Variants in SLC6A7 observed in about 807,000 individuals in gnomAD.
SLC6A7 encodes solute carrier family 6 member 7.
In SLC6A7, 58 loss-of-function variants were observed where a neutral mutation model predicts 73.1. The observed-to-expected ratio is 0.79, with a 90% CI of 0.64 to 0.99. The LOEUF (loss-of-function observed/expected upper bound fraction) is 0.99, where lower values mean the gene tolerates loss of function less well. Among genes scored for constraint, SLC6A7 ranks in the 50% least tolerant of loss-of-function variants. The pLI is 0.00. For missense variants in SLC6A7, 783 were observed against 831.4 expected, an observed-to-expected ratio of 0.94 and a Z score of 0.72; for synonymous variants, 338 against 338.7, an observed-to-expected ratio of 1.00 and a Z score of 0.02.
In SLC6A7 at chr5:150,199,328, T is replaced by C. The variant is rs1233347050; in HGVS notation, c.685T>C (p.Phe229Leu). 6.2e-7 allele frequency: 1 copy of C among 1,614,090 alleles called. No individual in the cohort carries two copies. The highest frequency in any genetic ancestry group is 2.2e-5 in the East Asian group (1 of 44,880). The change falls in exon 5 of 14, where the codon TTC becomes CTC. Residue 229 changes from phenylalanine (F) to leucine (L), a missense_variant. By Grantham distance (22) the Phe-to-Leu change is conservative. Coordinates refer to ENST00000230671, the MANE Select transcript of SLC6A7 (RefSeq NM_014228.5). ...LCLLLAWVIV[F>L]LCILKGVKSS... Reference sequence around the variant, plus strand: ...CCTGCTGCTGGCCTGGGTCATCGTGTTCCTCTGTATCCTCAAGGGTGTGAA... The same window carrying C: ...CCTGCTGCTGGCCTGGGTCATCGTGCTCCTCTGTATCCTCAAGGGTGTGAA...
intron 10 of SLC6A7, 101 bp downstream of exon 10, chr5:150,204,139 C>A: frequency 1.6e-6 from 2 of 1,234,482 alleles, no homozygotes; most frequent in East Asian, 2.5e-5. Context: ...CCCCCTCCAT[C>A]TTCCTCTTTG....
At chr5:150,198,097 A>G (rs1345467598) in intron 4 of SLC6A7, among the ~76,000 whole-genome samples, 3 of 108,188 alleles carry the variant, frequency 2.8e-5, no homozygotes, top group African/African-American at 1.0e-4. Context: ...GAAAGAAAGA[A>G]AGAAAGAAAG....
intron 13 of SLC6A7, 36 bp downstream of exon 13, chr5:150,205,659 T>A: frequency 6.4e-7 from 1 of 1,570,628 alleles, no homozygotes; most frequent in Non-Finnish European, 8.6e-7. Flanking sequence ...TCAGCCTTCC[T>A]GACCTGTGGC....
rs962965135 is a variant in SLC6A7, at chr5:150,190,256, C to T, written c.-72C>T. ...GCCGCGGGGGCAAAGGCGCAGTGGC[C>T]AGCGGACCATCTCTCGTGCCCTCGC... On this transcript the variant is annotated 5_prime_UTR_variant, in exon 1 of 14. The change creates a premature stop within an existing upstream ORF in the 5' untranslated region. Transcript: ENST00000230671. 21 of 1,324,920 alleles carry T rather than the reference C, an allele frequency of 1.6e-5. No individual in the cohort carries two copies. The African/African-American group carries it at 3.1e-4, about 19-fold the overall frequency. The allele number at this position is 1,324,920 out of a possible 1,614,324, so 82.1% of individuals were successfully genotyped here.
chr5:150,201,351 A>G (rs578154472), intron 6 of SLC6A7, 128 bp downstream of exon 6: 12 of 494,794 alleles, frequency 2.4e-5, no homozygotes, highest in Admixed American at 1.6e-4. Flanking sequence ...TTTATTTATT[A>G]TTATTGTTAT....
intron 13 of SLC6A7, 91 bp from the exon 14 acceptor site, chr5:150,209,315 G>T: frequency 9.5e-7 from 1 of 1,055,332 alleles, no homozygotes; most frequent in South Asian, 1.3e-5. Flanking sequence ...CCAGTGATGT[G>T]GTCAGGTGTT....
intron 4 of SLC6A7, among the ~76,000 whole-genome samples, chr5:150,198,535 G>A (rs1368093868): frequency 6.6e-6 from 1 of 151,442 alleles, no homozygotes; most frequent in Non-Finnish European, 1.5e-5. Flanking sequence ...GCAGCTGCCA[G>A]GGTGGTTCTC....
chr5:150,194,947 G>A (rs775078546), intron 2 of SLC6A7, 36 bp downstream of exon 2: 11 of 1,588,210 alleles, frequency 6.9e-6, no homozygotes, highest in South Asian at 2.2e-5. Flanking sequence ...GGTGTCTGGG[G>A]TGATGGGCCA....
intron 13 of SLC6A7, among the ~76,000 whole-genome samples, chr5:150,206,670 C>T (rs1368741287): frequency 6.6e-6 from 1 of 152,248 alleles, no homozygotes; most frequent in Admixed American, 6.5e-5. Flanking sequence ...TGGAGTCTAG[C>T]CTCTGCACTG....
intron 13 of SLC6A7, among the ~76,000 whole-genome samples, chr5:150,206,228 C>T (rs892932354): frequency 2.0e-5 from 3 of 152,110 alleles, no homozygotes; most frequent in Non-Finnish European, 4.4e-5. Context: ...CTTCTGCCGC[C>T]GCTGGTGTGG....
intron 6 of SLC6A7, among the ~76,000 whole-genome samples, chr5:150,202,086 G>A (rs1465546300): frequency 6.6e-6 from 1 of 152,174 alleles, no homozygotes; most frequent in Non-Finnish European, 1.5e-5. Context: ...CTTCAGAACT[G>A]GACCAAGCTT....
Position 150,194,716 on chromosome 5 carries a change from T to C in SLC6A7, c.34-12T>C. On this transcript the variant is annotated splice_polypyrimidine_tract_variant and intron_variant, in intron 1 of 13. Coordinates refer to ENST00000230671, the MANE Select transcript of SLC6A7 (RefSeq NM_014228.5). ...TCTTCTCCCCAACCTCTTTGGTCTC[T>C]CTCATTGGCAGCCTGTCACCCCAGA... 1 of 1,611,864 alleles carries C rather than the reference T, an allele frequency of 6.2e-7. No individual in the cohort carries two copies. The highest frequency in any genetic ancestry group is 8.5e-7 in the Non-Finnish European group (1 of 1,178,588).
Position 150,203,726 on chromosome 5 carries a change from T to G in SLC6A7, c.1147T>G (p.Phe383Val), listed in dbSNP as rs1339566015. The change falls in exon 9 of 14, where the codon TTC becomes GTC. Residue 383 changes from phenylalanine to valine, a missense_variant. Coordinates refer to ENST00000230671, the MANE Select transcript of SLC6A7 (RefSeq NM_014228.5). ...CATGACCATGCTGCCTCTGTCACCC[T>G]TCTGGTCCTTTCTCTTCTTCTTCAT... The part of the protein sequence containing the change: ...QAMTMLPLSP[F>V]WSFLFFFMLL... The G allele has an allele frequency of 1.6e-5, 26 of 1,612,526 alleles. No homozygotes were observed. Among genetic ancestry groups the G allele is most frequent in the Non-Finnish European group, 2.1e-5 (25 of 1,178,682 alleles).
intron 8 of SLC6A7, among the ~76,000 whole-genome samples, chr5:150,203,067 C>T (rs1753476105): frequency 7.1e-6 from 1 of 140,848 alleles, no homozygotes; most frequent in East Asian, 2.0e-4. Flanking sequence ...GAGCAAGACT[C>T]TGCCTCAAAA....
rs573008606 is a variant in SLC6A7 at position 150,202,703 on chromosome 5, G to A, written c.1087G>A (p.Gly363Ser). Residue 363 changes from glycine (G) to serine (S), a missense_variant and splice_region_variant, in exon 8 of 14, where the codon GGC (glycine) becomes AGC (serine). Gly to Ser is a moderately conservative substitution (Grantham distance 56). Transcript: ENST00000230671. ...GVPVDQVAKAGPGLAFVVYPQ... is the reference protein window; with the variant it reads ...GVPVDQVAKASPGLAFVVYPQ... The stretch of plus-strand genomic sequence containing the variant: ...GCCTGTGGACCAAGTAGCCAAAGCA[G>A]GTGGGCAGGCTGCCAGGCCTCAGTG... The A allele has an allele frequency of 3.1e-6, 5 of 1,614,026 alleles. No homozygotes were observed. In the African/African-American group the frequency reaches 4.0e-5, roughly 13 times the overall value.
intron 12 of SLC6A7, among the ~76,000 whole-genome samples, chr5:150,205,240 G>C (rs2880320): frequency 1 from 152,301 of 152,302 alleles, 76,150 homozygotes; most frequent in Middle Eastern, 1. Context: ...GAAATGGCTT[G>C]TGCAGGCCTT....
Position 150,195,851 on chromosome 5 carries a change from C to T in SLC6A7, c.218-865C>T, listed in dbSNP as rs572760240. On this transcript the variant is annotated intron_variant, in intron 2 of 13. Transcript: ENST00000230671. ...CCTTGATGACACCCATGGTGTCTCT[C>T]GGCAAGCACTCTCCCCATGTCCCTA... is the stretch of plus-strand genomic sequence containing the variant. Among the ~76,000 whole-genome samples, 55 of 152,290 alleles carry T rather than the reference C, an allele frequency of 3.6e-4. No individual in the cohort carries two copies. The South Asian group carries it at 0.011, about 30-fold the overall frequency.
chr5:150,210,005 G>A lies in SLC6A7; in HGVS notation c.*390G>A. The A allele has an allele frequency of 3.7e-6, 1 of 270,096 alleles. No homozygotes were observed. Among genetic ancestry groups the A allele is most frequent in the South Asian group, 4.6e-5 (1 of 21,530 alleles). The allele number at this position is 270,096 out of a possible 1,614,324, so 16.7% of individuals were successfully genotyped here. A position where few individuals can be genotyped will look rare whatever the true frequency, so the allele number is the denominator to read the frequency against. Reference sequence around the variant, plus strand: ...GGCACCACCTTCTCATCTCTATTCAGGGCCTACACCCCTCCCTTTTTGGGG... The same window carrying A: ...GGCACCACCTTCTCATCTCTATTCAAGGCCTACACCCCTCCCTTTTTGGGG... On this transcript the variant is annotated 3_prime_UTR_variant, in exon 14 of 14. Coordinates refer to ENST00000230671, the MANE Select transcript of SLC6A7 (RefSeq NM_014228.5).
intron 1 of SLC6A7, 99 bp downstream of exon 1, chr5:150,190,459 A>T (rs944939298): frequency 5.0e-6 from 4 of 800,812 alleles, no homozygotes; most frequent in Non-Finnish European, 7.4e-6. Flanking sequence ...GGATGCACCC[A>T]GACCAGCTTC....
Sources: gnomAD v4.1 joint callset for allele counts (sites outside exome capture counted in the v4.1 genomes callset) on GRCh38, gnomAD v4.1.1 for gene constraint, MANE v1.5 for transcripts, NCBI Gene and HGNC (gene_info 2026-07-23, HGNC 2026-07-21) for gene names.